CLIC4: variants seen among roughly 807,000 people sequenced by gnomAD.
The protein encoded by CLIC4 is chloride intracellular channel protein 4.
CLIC4 carries 13 observed loss-of-function variants against 24.6 expected under a neutral mutation model. The observed-to-expected ratio is 0.53, with a 90% confidence interval of 0.34 to 0.84. The LOEUF (loss-of-function observed/expected upper bound fraction) is 0.84. CLIC4 is among the 40% of genes least tolerant of loss of function. The pLI, the probability that CLIC4 is intolerant of heterozygous loss-of-function variation, is 0.01. For synonymous variants in CLIC4, 104 were observed against 111.3 expected, an observed-to-expected ratio of 0.93 and a Z score of 0.41; for missense variants, 227 against 301.7, an observed-to-expected ratio of 0.75 and a Z score of 1.83.
chr1:24,773,733 A>G (rs550795414), intron 1 of CLIC4, among the ~76,000 whole-genome samples: 1 of 151,188 alleles, frequency 6.6e-6, no homozygotes, highest in African/African-American at 2.4e-5. Context: ...AGTAGCTAGG[A>G]CTAAAGGTGT....
chr1:24,751,207 CTTTTTTT>C (rs563478354), intron 1 of CLIC4, among the ~76,000 whole-genome samples: 2 of 109,046 alleles, frequency 1.8e-5, no homozygotes, highest in Non-Finnish European at 3.8e-5. Context: ...TACTTCCAGT[CTTTTTTT>C]TTTTTTTTTT....
At chr1:24,815,352 A>T (rs1245764102) in intron 3 of CLIC4, among the ~76,000 whole-genome samples, 1 of 152,054 alleles carries the variant, frequency 6.6e-6, no homozygotes, top group Non-Finnish European at 1.5e-5. Context: ...TACAAAAAAA[A>T]TTAGCTGGGC....
At chr1:24,839,338 C>T (rs1290608376) in intron 4 of CLIC4, among the ~76,000 whole-genome samples, 1 of 152,168 alleles carries the variant, frequency 6.6e-6, no homozygotes, top group Non-Finnish European at 1.5e-5. Flanking sequence ...CTCGCTCTTT[C>T]GCCCAGGCTG....
chr1:24,841,658 A>AT lies in CLIC4; in HGVS notation c.*725dup, dbSNP rs1274294648. On this transcript the variant is annotated 3_prime_UTR_variant, in exon 6 of 6. Transcript: ENST00000374379. Reference sequence around the variant, plus strand: ...GGTTTTCTCAAGACCTTCCTCAAGCATTTTATCTTTAGAAGAGAAACTGAT... The same window carrying AT: ...GGTTTTCTCAAGACCTTCCTCAAGCATTTTTATCTTTAGAAGAGAAACTGAT... The AT allele has an allele frequency of 6.6e-6, 1 of 152,298 alleles. No individual in the cohort carries two copies. The highest frequency in any genetic ancestry group is 1.5e-5 in the Non-Finnish European group (1 of 68,040). 9.4% of individuals were successfully genotyped at this position (152,298 alleles called of 1,614,324 possible).
chr1:24,805,101 AAAAACAC>A (rs1288544565), intron 2 of CLIC4, among the ~76,000 whole-genome samples: 1 of 144,720 alleles, frequency 6.9e-6, no homozygotes, highest in Non-Finnish European at 1.5e-5. Flanking sequence ...AAAAAAAAAA[AAAAACAC>A]AAAAACAAAG....
At chr1:24,806,396 C>G (rs1320676209) in intron 2 of CLIC4, among the ~76,000 whole-genome samples, 1 of 152,144 alleles carries the variant, frequency 6.6e-6, no homozygotes, top group Non-Finnish European at 1.5e-5. Context: ...TCTACTAATA[C>G]GTTTGAAGGC....
intron 2 of CLIC4, among the ~76,000 whole-genome samples, chr1:24,807,778 C>G (rs1174072794): frequency 6.6e-6 from 1 of 151,886 alleles, no homozygotes; most frequent in Non-Finnish European, 1.5e-5. Flanking sequence ...TCTAATCTAC[C>G]GTGTTCTTAA....
At chr1:24,776,639 CTT>C (rs1395609030) in intron 1 of CLIC4, among the ~76,000 whole-genome samples, 1 of 152,172 alleles carries the variant, frequency 6.6e-6, no homozygotes, top group Non-Finnish European at 1.5e-5. Flanking sequence ...GCTTCCTTGA[CTT>C]TTGAAAATGC....
In CLIC4 at chr1:24,842,087, G is replaced by T. The variant is rs964590829; in HGVS notation, c.*1150G>T. 2 of 152,386 alleles carry T rather than the reference G, an allele frequency of 1.3e-5. No individual in the cohort carries two copies. The highest frequency in any genetic ancestry group is 4.8e-5 in the African/African-American group (2 of 41,408). The allele number at this position is 152,386 out of a possible 1,614,324, so 9.4% of individuals were successfully genotyped here. ...TATAGAGGATTGTTCATTCCTTTGG[G>T]ACTAAGTTATAGTTATGGTGAGTGT... On this transcript the variant is annotated 3_prime_UTR_variant, in exon 6 of 6. Coordinates refer to ENST00000374379, the MANE Select transcript of CLIC4 (RefSeq NM_013943.3).
At chr1:24,758,693 G>A (rs1638883372) in intron 1 of CLIC4, among the ~76,000 whole-genome samples, 1 of 151,998 alleles carries the variant, frequency 6.6e-6, no homozygotes, top group South Asian at 2.1e-4. Flanking sequence ...CCTGACCTCT[G>A]GTGATCTGCC....
In CLIC4 at chr1:24,844,003, T is replaced by C. The variant is rs1223496953; in HGVS notation, c.*3066T>C. ...AATTCAAAGAGAGGGGAGCATCCAT[T>C]ATTGATACATGTGGGCTTTTAAAAA... On this transcript the variant is annotated 3_prime_UTR_variant, in exon 6 of 6. Coordinates refer to ENST00000374379, the MANE Select transcript of CLIC4 (RefSeq NM_013943.3). The C allele has an allele frequency of 6.6e-6, 1 of 152,632 alleles. No individual in the cohort carries two copies. Among genetic ancestry groups the C allele is most frequent in the Non-Finnish European group, 1.5e-5 (1 of 68,024 alleles). The allele number at this position is 152,632 out of a possible 1,614,324, so 9.5% of individuals were successfully genotyped here. A position where few individuals can be genotyped will look rare whatever the true frequency, so the allele number is the denominator to read the frequency against.
At chr1:24,799,446 C>T (rs1379770058) in intron 2 of CLIC4, among the ~76,000 whole-genome samples, 7 of 150,566 alleles carry the variant, frequency 4.6e-5, no homozygotes, top group East Asian at 2.0e-4. Flanking sequence ...GAAGCCCCTC[C>T]GCCCGGCAGC....
intron 1 of CLIC4, among the ~76,000 whole-genome samples, chr1:24,762,237 G>A (rs1638936145): frequency 6.6e-6 from 1 of 152,080 alleles, no homozygotes; most frequent in African/African-American, 2.4e-5. Context: ...GGGCAACATA[G>A]CAAGACCCCA....
chr1:24,804,576 T>TGG (rs1639527444), intron 2 of CLIC4, among the ~76,000 whole-genome samples: 1 of 13,698 alleles, frequency 7.3e-5, no homozygotes, highest in Non-Finnish European at 1.5e-4. Flanking sequence ...CGTGGGTGGG[T>TGG]GGGGATGTGT....
At chr1:24,771,501 T>C (rs575354390) in intron 1 of CLIC4, among the ~76,000 whole-genome samples, 1 of 152,288 alleles carries the variant, frequency 6.6e-6, no homozygotes, top group South Asian at 2.1e-4. Flanking sequence ...TTCTAAAGAC[T>C]AAGGGACTAT....
chr1:24,757,806 G>A (rs1187666662), intron 1 of CLIC4, among the ~76,000 whole-genome samples: 1 of 149,202 alleles, frequency 6.7e-6, no homozygotes, highest in African/African-American at 2.5e-5. Context: ...CTTCCTCTGT[G>A]GCCCAGGCTG....
chr1:24,789,639 C>T (rs1039945412), intron 1 of CLIC4, among the ~76,000 whole-genome samples: 3 of 152,120 alleles, frequency 2.0e-5, no homozygotes, highest in Non-Finnish European at 4.4e-5. Flanking sequence ...ATTCTTCTGT[C>T]CCCTTCGTTT....
chr1:24,800,540 T>C (rs1451324392), intron 2 of CLIC4, among the ~76,000 whole-genome samples: 4 of 151,220 alleles, frequency 2.6e-5, no homozygotes, highest in South Asian at 4.2e-4. Flanking sequence ...CCCCTCTGCC[T>C]GGCCACCACC....
intron 4 of CLIC4, among the ~76,000 whole-genome samples, chr1:24,831,142 C>T (rs897715542): frequency 1.2e-4 from 19 of 152,094 alleles, no homozygotes; most frequent in African/African-American, 3.9e-4. Flanking sequence ...TATAGCAATT[C>T]GACTTCATCA....
Sources: gnomAD v4.1 joint callset for allele counts (sites outside exome capture counted in the v4.1 genomes callset) on GRCh38, gnomAD v4.1.1 for gene constraint, MANE v1.5 for transcripts, NCBI Gene and HGNC (gene_info 2026-07-23, HGNC 2026-07-21) for gene names.